Variants in CLMN observed in about 807,000 individuals in gnomAD.
CLMN encodes the protein calmin.
In CLMN, 57 loss-of-function variants were observed where a neutral mutation model predicts 92.7. The observed-to-expected ratio is 0.61, with a 90% confidence interval of 0.50 to 0.77. The LOEUF (loss-of-function observed/expected upper bound fraction) is 0.77. Ranked by LOEUF, CLMN falls within the 30% of genes least tolerant of loss-of-function variation. The pLI is 0.00. For synonymous variants in CLMN, 466 were observed against 470.6 expected (o/e 0.99, Z 0.13); for missense variants, 1,158 against 1,237.5 (o/e 0.94, Z 0.96).
At position 95,221,721 on chromosome 14, in the gene CLMN, C is replaced by T. The variant is rs1239975183; in HGVS notation, c.294G>A (p.Ala98=). The change falls in exon 4 of 13, where the codon GCG becomes GCA. Residue 98 remains alanine (A), a synonymous_variant. Coordinates refer to ENST00000298912, the MANE Select transcript of CLMN (RefSeq NM_024734.4). ...SHRIFRLNNI[A]KALKFLEDSN... Reference sequence around the variant, plus strand: ...TATCTTCCAAAAACTTAAGTGCTTTCGCTATGTTGTTCAACCGAAAAATAC... The same window carrying T: ...TATCTTCCAAAAACTTAAGTGCTTTTGCTATGTTGTTCAACCGAAAAATAC... 5.0e-6 allele frequency: 8 copies of T among 1,614,044 alleles called. No homozygotes were observed. Among genetic ancestry groups the T allele is most frequent in the Admixed American group, 1.7e-5 (1 of 59,984 alleles).
Position 95,252,722 on chromosome 14 carries a change from G to GCAAT in CLMN, c.83-22593_83-22590dup, listed in dbSNP as rs529029399. ...CTGGAGACTGAGTTCAACCACCCAA[G>GCAAT]CAATCAATCAATCATCAGCCATGCC... On this transcript the variant is annotated intron_variant, in intron 1 of 12. Coordinates refer to ENST00000298912, the MANE Select transcript of CLMN (RefSeq NM_024734.4). Among the ~76,000 whole-genome samples the GCAAT allele has an allele frequency of 5.8e-3, 877 of 152,228 alleles. 7 individuals are homozygous for GCAAT. The highest frequency in any genetic ancestry group is 0.02 in the African/African-American group (841 of 41,538).
rs1259391223 is a variant in CLMN at position 95,294,050 on chromosome 14, C to T, written c.82+25661G>A. Reference sequence around the variant, plus strand: ...GGAGGAGGAGGAGGAGGCCAGAAGTCTGGCTGGAGGGCTTCCCCACTCCCC... The same window carrying T: ...GGAGGAGGAGGAGGAGGCCAGAAGTTTGGCTGGAGGGCTTCCCCACTCCCC... On this transcript the variant is annotated intron_variant, in intron 1 of 12. Coordinates refer to ENST00000298912, the MANE Select transcript of CLMN (RefSeq NM_024734.4). The surrounding 1 kb of genome is among the most constrained non-coding windows in gnomAD (Gnocchi z 4.2). 6.6e-6 allele frequency among the ~76,000 whole-genome samples: 1 copy of T among 152,092 alleles called. No homozygotes were observed. The highest frequency in any genetic ancestry group is 2.4e-5 in the African/African-American group (1 of 41,422).
chr14:95,233,015 A>G (rs928299061), intron 1 of CLMN, among the ~76,000 whole-genome samples: 1 of 152,212 alleles, frequency 6.6e-6, no homozygotes, highest in African/African-American at 2.4e-5. Flanking sequence ...TAGGCACATT[A>G]AAAATTTTAA....
intron 1 of CLMN, among the ~76,000 whole-genome samples, chr14:95,315,566 T>C (rs1901728184): frequency 6.6e-6 from 1 of 152,234 alleles, no homozygotes; most frequent in Admixed American, 6.5e-5. Context: ...GGGCCGGGGC[T>C]GATCCTTCGG....
chr14:95,203,647 T>C lies in CLMN; in HGVS notation c.1702A>G (p.Ser568Gly). The C allele has an allele frequency of 6.2e-7, 1 of 1,614,214 alleles. No individual in the cohort carries two copies. Among genetic ancestry groups the C allele is most frequent in the East Asian group, 2.2e-5 (1 of 44,892 alleles). The stretch of plus-strand genomic sequence containing the variant: ...GTAGAAGCAAAATCTATTAGGTCGC[T>C]GTTAAATTTTGAGGCTTTTAATGGG... ...AIPLKASKFNSDLIDFASTSQ... is the reference protein window; with the variant it reads ...AIPLKASKFNGDLIDFASTSQ... The change falls in exon 9 of 13, where the codon AGC (serine) becomes GGC (glycine). Residue 568 changes from serine to glycine, a missense_variant. Coordinates refer to ENST00000298912, the MANE Select transcript of CLMN (RefSeq NM_024734.4).
chr14:95,286,596 C>T (rs1900352113), intron 1 of CLMN, among the ~76,000 whole-genome samples: 2 of 152,166 alleles, frequency 1.3e-5, no homozygotes. Flanking sequence ...TACTGAATTA[C>T]ACATTTTAAA....
Position 95,185,664 on chromosome 14 carries a change from T to G in CLMN, c.*5900A>C, listed in dbSNP as rs1896423927. On this transcript the variant is annotated 3_prime_UTR_variant, in exon 13 of 13. Coordinates refer to ENST00000298912, the MANE Select transcript of CLMN (RefSeq NM_024734.4). Reference sequence around the variant, plus strand: ...GAAGGTCCCGAGATACCAGGCTGACTGGAAGCTCCCACACAGCCCATTTCT... The same window carrying G: ...GAAGGTCCCGAGATACCAGGCTGACGGGAAGCTCCCACACAGCCCATTTCT... The G allele has an allele frequency of 6.6e-6, 1 of 152,054 alleles. No individual in the cohort carries two copies. Among genetic ancestry groups the G allele is most frequent in the South Asian group, 2.1e-4 (1 of 4,798 alleles). 9.4% of individuals were successfully genotyped at this position (152,054 alleles called of 1,614,324 possible).
intron 1 of CLMN, among the ~76,000 whole-genome samples, chr14:95,254,380 T>C (rs1898911509): frequency 6.6e-6 from 1 of 152,204 alleles, no homozygotes; most frequent in Non-Finnish European, 1.5e-5. Flanking sequence ...GACATAAACT[T>C]GGCATTTGCT....
At chr14:95,210,475 T>C (rs1897165227) in intron 7 of CLMN, among the ~76,000 whole-genome samples, 1 of 152,132 alleles carries the variant, frequency 6.6e-6, no homozygotes, top group African/African-American at 2.4e-5. Flanking sequence ...CAAAATTATA[T>C]ATATACAGTA....
At chr14:95,258,859 T>C (rs1357527875) in intron 1 of CLMN, among the ~76,000 whole-genome samples, 2 of 148,794 alleles carry the variant, frequency 1.3e-5, no homozygotes, top group Non-Finnish European at 3.0e-5. Context: ...GTGGTGTGTG[T>C]GTGGTATGTG....
At chr14:95,232,894 CGAGCA>C (rs954886228) in intron 1 of CLMN, among the ~76,000 whole-genome samples, 1 of 152,184 alleles carries the variant, frequency 6.6e-6, no homozygotes, top group Admixed American at 6.5e-5. Flanking sequence ...TTCACTGTTT[CGAGCA>C]ATGCAGAAAC....
At chr14:95,286,208 A>C (rs1327412524) in intron 1 of CLMN, among the ~76,000 whole-genome samples, 3 of 152,228 alleles carry the variant, frequency 2.0e-5, no homozygotes, top group Non-Finnish European at 4.4e-5. Context: ...GAAATGGAAC[A>C]ACATCTGAAA....
chr14:95,285,028 T>A (rs1486249922), intron 1 of CLMN, among the ~76,000 whole-genome samples: 1 of 151,950 alleles, frequency 6.6e-6, no homozygotes, highest in Admixed American at 6.6e-5. Context: ...CAGGGGGAGG[T>A]AATTGAATCA....
chr14:95,194,233 T>G lies in CLMN; in HGVS notation c.2769+303A>C. The G allele has an allele frequency of 7.2e-7, 1 of 1,391,364 alleles. No individual in the cohort carries two copies. The allele number at this position is 1,391,364 out of a possible 1,614,324, so 86.2% of individuals were successfully genotyped here. A position where few individuals can be genotyped will look rare whatever the true frequency, so the allele number is the denominator to read the frequency against. On this transcript the variant is annotated intron_variant, in intron 11 of 12. Coordinates refer to ENST00000298912, the MANE Select transcript of CLMN (RefSeq NM_024734.4). The surrounding 1 kb of genome is among the most constrained non-coding windows in gnomAD (Gnocchi z 4.0). Reference sequence around the variant, plus strand: ...ATCGGACCTTGACTCATGTTGCACCTCTGTCTCTGAACGTGATCCTTCTGG... The same window carrying G: ...ATCGGACCTTGACTCATGTTGCACCGCTGTCTCTGAACGTGATCCTTCTGG...
At chr14:95,276,177 G>C (rs989919664) in intron 1 of CLMN, among the ~76,000 whole-genome samples, 2 of 152,216 alleles carry the variant, frequency 1.3e-5, no homozygotes, top group Non-Finnish European at 2.9e-5. Context: ...CTTTGGGTAA[G>C]TGTTTGGGTA....
intron 1 of CLMN, among the ~76,000 whole-genome samples, chr14:95,246,780 T>C (rs1898589536): frequency 6.6e-6 from 1 of 152,220 alleles, no homozygotes; most frequent in Non-Finnish European, 1.5e-5. Flanking sequence ...AACTGTTTTT[T>C]AAAATGGAAG....
At position 95,203,471 on chromosome 14, in the gene CLMN, C is replaced by T; in HGVS notation, c.1878G>A (p.Met626Ile). 1 of 1,614,124 alleles carries T rather than the reference C, an allele frequency of 6.2e-7. No homozygotes were observed. Among genetic ancestry groups the T allele is most frequent in the Non-Finnish European group, 8.5e-7 (1 of 1,180,034 alleles). Residue 626 changes from methionine to isoleucine, a missense_variant, in exon 9 of 13, where the codon ATG (methionine) becomes ATA (isoleucine). Met to Ile is a conservative substitution (Grantham distance 10, BLOSUM62 1). Coordinates refer to ENST00000298912, the MANE Select transcript of CLMN (RefSeq NM_024734.4). ...AGTCCTGATGAGGTTCATGTTTGTC[C>T]ATCTTAACTTGAGGCTCTGGCGAAT... Reference protein sequence around the residue: ...KKDSPEPQVKMDKHEPHQDSG... With the variant: ...KKDSPEPQVKIDKHEPHQDSG...
chr14:95,255,509 T>C (rs1307522079), intron 1 of CLMN, among the ~76,000 whole-genome samples: 1 of 152,170 alleles, frequency 6.6e-6, no homozygotes, highest in Non-Finnish European at 1.5e-5. Context: ...GGAAAAAGCA[T>C]AGTACATATA....
At chr14:95,209,245 T>C in intron 8 of CLMN, 150 bp downstream of exon 8, 1 of 698,598 alleles carries the variant, frequency 1.4e-6, no homozygotes, top group Non-Finnish European at 2.6e-6. Context: ...AATTAAAACA[T>C]GGTAAGGCCG....
Sources: allele counts gnomAD v4.1 joint callset (sites outside exome capture counted in the v4.1 genomes callset), GRCh38; gene constraint gnomAD v4.1.1; non-coding constraint Gnocchi (gnomAD v3.1); transcripts MANE v1.5; gene names NCBI Gene and HGNC (gene_info 2026-07-23, HGNC 2026-07-21).